The following TUSC3 variants were observed in gnomAD, a reference collection of about 807,000 sequenced individuals.
TUSC3 encodes the protein tumor suppressor candidate 3.
A neutral mutation model predicts 44.8 loss-of-function variants in TUSC3; 45 were observed. The observed-to-expected ratio is 1.00, with a 90% CI of 0.79 to 1.29. The LOEUF is 1.29. Ranked by LOEUF, TUSC3 falls within the 50% of genes most tolerant of loss-of-function variation. The pLI is 0.00. For missense variants in TUSC3, 519 were observed against 437.9 expected (o/e 1.19, Z -1.65); for synonymous variants, 212 against 152.9 (o/e 1.39, Z -2.85).
intron 1 of TUSC3, among the ~76,000 whole-genome samples, chr8:15,446,030 G>A (rs28533315): frequency 0.064 from 9,746 of 151,824 alleles, 440 homozygotes; most frequent in South Asian, 0.14. Context: ...GCCGGGCGGA[G>A]GGGCTCCTCA....
At chr8:15,721,688 T>C (rs1039031465) in intron 6 of TUSC3, among the ~76,000 whole-genome samples, 1 of 152,140 alleles carries the variant, frequency 6.6e-6, no homozygotes, top group Non-Finnish European at 1.5e-5. Context: ...CAGTTTTTCT[T>C]TGTTACTGAA....
chr8:15,808,599 C>T, the TUSC3 span, among the ~76,000 whole-genome samples: 2 of 152,110 alleles, frequency 1.3e-5, no homozygotes, highest in Admixed American at 6.5e-5. Context: ...ACATCTTCCA[C>T]GAAGGTAAGA....
At chr8:15,828,249 C>A in the TUSC3 span, among the ~76,000 whole-genome samples, 2 of 152,176 alleles carry the variant, frequency 1.3e-5, no homozygotes, top group East Asian at 1.9e-4. Flanking sequence ...CCCGCCTTGG[C>A]CTCCCGAAGT....
intron 2 of TUSC3, among the ~76,000 whole-genome samples, chr8:15,510,991 A>C (rs941150433): frequency 3.3e-5 from 5 of 152,200 alleles, no homozygotes; most frequent in Admixed American, 3.3e-4. Flanking sequence ...ATTTCCATAC[A>C]AGCAGAAAAA....
chr8:15,428,012 A>G (rs1799826797), intron 1 of TUSC3, among the ~76,000 whole-genome samples: 1 of 151,716 alleles, frequency 6.6e-6, no homozygotes, highest in Non-Finnish European at 1.5e-5. Flanking sequence ...GTACATGTGC[A>G]CAACGTGCTG....
At chr8:15,798,378 CCCT>C in the TUSC3 span, among the ~76,000 whole-genome samples, 1 of 152,128 alleles carries the variant, frequency 6.6e-6, no homozygotes, top group Non-Finnish European at 1.5e-5. Flanking sequence ...TGAATCCTTC[CCCT>C]TTTCAAAATT....
chr8:15,743,548 C>T lies in TUSC3; in HGVS notation c.873C>T (p.Ile291=). The change falls in exon 8 of 11, where the codon ATC becomes ATT. Residue 291 remains isoleucine (I), a synonymous_variant. Coordinates refer to ENST00000503731, the MANE Select transcript of TUSC3 (RefSeq NM_006765.4). The part of the protein sequence containing the change: ...SHIILVLNAA[I]TMGMVLLNEA... ...TGACAACTACTGCAGATGCCGCTAT[C>T]ACCATGGGGATGGTTCTTCTAAATG... 1.2e-6 allele frequency: 2 copies of T among 1,613,936 alleles called. No individual in the cohort carries two copies. Among genetic ancestry groups the T allele is most frequent in the South Asian group, 1.1e-5 (1 of 91,072 alleles).
Position 15,456,571 on chromosome 8 carries a change from C to T in TUSC3, n.92-26815C>T, listed in dbSNP as rs926404130. ...ATATTAGGGTAGAAAAAAAATTATTCGTGAGCTAGAAAGCCTAGAAATATT... is the reference window on the plus strand; with the variant it reads ...ATATTAGGGTAGAAAAAAAATTATTTGTGAGCTAGAAAGCCTAGAAATATT... On this transcript the variant is annotated intron_variant and non_coding_transcript_variant, in intron 1 of 5. Coordinates refer to the TUSC3 transcript ENST00000503191. Among the ~76,000 whole-genome samples, 6 of 152,058 alleles carry T rather than the reference C, an allele frequency of 3.9e-5. No homozygotes were observed. The South Asian group carries it at 6.2e-4, about 16-fold the overall frequency.
chr8:15,650,897 C>A (rs1167993328), intron 3 of TUSC3, 83 bp downstream of exon 3: 3 of 1,414,036 alleles, frequency 2.1e-6, no homozygotes, highest in Non-Finnish European at 2.0e-6. Flanking sequence ...AAATACAATT[C>A]ATTCATCGTC....
At chr8:15,573,546 C>G (rs570717631) in intron 1 of TUSC3, among the ~76,000 whole-genome samples, 29 of 152,002 alleles carry the variant, frequency 1.9e-4, no homozygotes, top group Middle Eastern at 3.4e-3. Flanking sequence ...GATGGTCTCT[C>G]CTTCCCCCCT....
In TUSC3 at chr8:15,436,404, T is replaced by C. The variant is rs373640173; in HGVS notation, n.91+19099T>C. Among the ~76,000 whole-genome samples the C allele has an allele frequency of 5.8e-4, 88 of 152,330 alleles. 3 individuals carry two copies. The South Asian group carries it at 0.018, about 31-fold the overall frequency. ...TGTAACCTGCCATAGTTCTAAATTTTAGATTCGACCAACAGTGAGGATCTA... is the reference window on the plus strand; with the variant it reads ...TGTAACCTGCCATAGTTCTAAATTTCAGATTCGACCAACAGTGAGGATCTA... On this transcript the variant is annotated intron_variant and non_coding_transcript_variant, in intron 1 of 5. Coordinates refer to the TUSC3 transcript ENST00000503191.
At chr8:15,772,995 G>C in the TUSC3 span, among the ~76,000 whole-genome samples, 1 of 150,668 alleles carries the variant, frequency 6.6e-6, no homozygotes, top group East Asian at 1.9e-4. Context: ...AACATTATCA[G>C]GATGAGTATT....
At chr8:15,486,001 G>A (rs767175067) in intron 2 of TUSC3, among the ~76,000 whole-genome samples, 4 of 151,900 alleles carry the variant, frequency 2.6e-5, no homozygotes, top group Non-Finnish European at 5.9e-5. Context: ...GCCATGTTGG[G>A]CAGGCTGGTC....
chr8:15,428,384 G>A lies in TUSC3; in HGVS notation n.91+11079G>A, dbSNP rs1288801724. 1.2e-4 allele frequency among the ~76,000 whole-genome samples: 18 copies of A among 151,708 alleles called. 1 individual carries two copies. The South Asian group carries it at 1.3e-3, about 11-fold the overall frequency. On this transcript the variant is annotated intron_variant and non_coding_transcript_variant, in intron 1 of 5. Transcript: ENST00000503191. ...CAGTCTATCATTGTTGGACATTTGGGTTGGTTCCAAGTCTTTGCTATTGTG... is the reference window on the plus strand; with the variant it reads ...CAGTCTATCATTGTTGGACATTTGGATTGGTTCCAAGTCTTTGCTATTGTG...
chr8:15,714,797 T>C (rs1809995762), intron 6 of TUSC3, among the ~76,000 whole-genome samples: 1 of 152,172 alleles, frequency 6.6e-6, no homozygotes, highest in Admixed American at 6.6e-5. Context: ...AGAGAATGTC[T>C]GAAGTGAGAG....
At chr8:15,684,300 G>A (rs6990625) in intron 6 of TUSC3, among the ~76,000 whole-genome samples, 130 of 152,244 alleles carry the variant, frequency 8.5e-4, no homozygotes, top group African/African-American at 3.0e-3. Flanking sequence ...CTGTTCCTCT[G>A]TATTTGCCAG....
chr8:15,700,588 G>T (rs1239848406), intron 6 of TUSC3, among the ~76,000 whole-genome samples: 2 of 152,104 alleles, frequency 1.3e-5, no homozygotes, highest in African/African-American at 2.4e-5. Context: ...GTAATTTGAT[G>T]TGGTTAGTGC....
intron 6 of TUSC3, among the ~76,000 whole-genome samples, chr8:15,692,033 G>T (rs1463117284): frequency 6.6e-6 from 1 of 152,016 alleles, no homozygotes; most frequent in Non-Finnish European, 1.5e-5. Context: ...CACCCACCAC[G>T]GCTTCCCAAA....
At chr8:15,564,219 C>G (rs6980838) in intron 1 of TUSC3, among the ~76,000 whole-genome samples, 53,270 of 151,814 alleles carry the variant, frequency 0.35, 10,132 homozygotes, top group Non-Finnish European at 0.42. Flanking sequence ...ATTTTCAAAT[C>G]GAGGTTATTA....
Sources: gnomAD v4.1 joint callset for allele counts (sites outside exome capture counted in the v4.1 genomes callset) on GRCh38, gnomAD v4.1.1 for gene constraint, MANE v1.5 for transcripts, NCBI Gene and HGNC (gene_info 2026-07-23, HGNC 2026-07-21) for gene names.